Variants in JAKMIP3 observed in about 807,000 individuals in gnomAD.
JAKMIP3 encodes janus kinase and microtubule-interacting protein 3.
Under a neutral mutation model 118.5 loss-of-function variants are expected in JAKMIP3, and 58 were observed. The observed-to-expected ratio is 0.49, with a 90% CI of 0.40 to 0.61. JAKMIP3 has a LOEUF of 0.61. Ranked by LOEUF, JAKMIP3 falls within the 20% of genes least tolerant of loss-of-function variation. The pLI is 0.00. For synonymous variants in JAKMIP3, 486 were observed against 451.2 expected, an observed-to-expected ratio of 1.08 and a Z score of -0.98; for missense variants, 950 against 1,109.0, an observed-to-expected ratio of 0.86 and a Z score of 2.04.
intron 1 of JAKMIP3, among the ~76,000 whole-genome samples, chr10:132,095,982 G>C (rs1179116267): frequency 6.6e-6 from 1 of 152,154 alleles, no homozygotes; most frequent in Non-Finnish European, 1.5e-5. Context: ...CCATGCTGCT[G>C]TTAGGGAGAG....
At chr10:132,159,618 GGGTCCTCTTCCTTTGT>G (rs2057683704) in intron 19 of JAKMIP3, among the ~76,000 whole-genome samples, 1 of 118,270 alleles carries the variant, frequency 8.5e-6, no homozygotes. Flanking sequence ...GTGATGCTGG[GGGTCCTCTTCCTTTGT>G]GATGCTGGGG....
chr10:132,058,656 G>T (rs1176163659), intron 1 of JAKMIP3, among the ~76,000 whole-genome samples: 1 of 152,208 alleles, frequency 6.6e-6, no homozygotes, highest in Non-Finnish European at 1.5e-5. Flanking sequence ...ACACGTGTGT[G>T]AGGATCAAAA....
chr10:132,136,620 C>T (rs1057365637), intron 6 of JAKMIP3, among the ~76,000 whole-genome samples: 1 of 152,246 alleles, frequency 6.6e-6, no homozygotes, highest in Non-Finnish European at 1.5e-5. Context: ...AGGCGCTCTC[C>T]TTACCCCTCT....
intron 1 of JAKMIP3, among the ~76,000 whole-genome samples, chr10:132,038,160 A>G (rs2037577878): frequency 6.6e-6 from 1 of 152,360 alleles, no homozygotes; most frequent in African/African-American, 2.4e-5. Context: ...CTGCCCAGAC[A>G]TGATTCTGGC....
intron 1 of JAKMIP3, among the ~76,000 whole-genome samples, chr10:132,069,172 T>C (rs2039416991): frequency 6.6e-6 from 1 of 152,102 alleles, no homozygotes; most frequent in African/African-American, 2.4e-5. Context: ...ACCTGCCTGG[T>C]GGGTGGTTGA....
At chr10:132,103,748 T>C (rs2045473665) in intron 1 of JAKMIP3, among the ~76,000 whole-genome samples, 1 of 152,004 alleles carries the variant, frequency 6.6e-6, no homozygotes, top group African/African-American at 2.4e-5. Context: ...AGCTGGGCCA[T>C]ACAGCAGGAG....
At position 132,149,189 on chromosome 10, in the gene JAKMIP3, G is replaced by A. The variant is rs78652553; in HGVS notation, c.1849-223G>A. On this transcript the variant is annotated intron_variant, in intron 14 of 23. Transcript: ENST00000684848. The stretch of plus-strand genomic sequence containing the variant: ...GGCCAGAGTGTGATGAACTCTGCCC[G>A]GCACATCTGGGGTCAGCGAATATAC... Among the ~76,000 whole-genome samples, 778 of 152,202 alleles carry A rather than the reference G, an allele frequency of 5.1e-3. 2 individuals carry two copies. The highest frequency in any genetic ancestry group is 0.017 in the African/African-American group (724 of 41,522).
intron 2 of JAKMIP3, among the ~76,000 whole-genome samples, chr10:132,116,021 T>A (rs1348501965): frequency 6.6e-6 from 1 of 152,244 alleles, no homozygotes; most frequent in Non-Finnish European, 1.5e-5. Context: ...GTCCCGGCAC[T>A]GTGGTCTGAA....
rs565537819 is a variant in JAKMIP3, at chr10:132,055,488, T to G, written c.-138+18750T>G. On this transcript the variant is annotated intron_variant, in intron 1 of 23. Transcript: ENST00000657785. ...TTTTTCTTCAATGTTTGGAAAGAAA[T>G]TAAAACTGAGCAGGTCTTGCCAAGA... Among the ~76,000 whole-genome samples the G allele has an allele frequency of 2.0e-5, 3 of 152,134 alleles. No individual in the cohort carries two copies. In the South Asian group the frequency reaches 6.2e-4, roughly 32 times the overall value.
At chr10:132,097,898 TCCCC>T (rs1410687348) in intron 1 of JAKMIP3, among the ~76,000 whole-genome samples, 46 of 57,962 alleles carry the variant, frequency 7.9e-4, no homozygotes, top group South Asian at 3.2e-3. Context: ...CCCTTCCCCT[TCCCC>T]TTCCCCTTCC....
At chr10:132,093,671 C>G (rs1345788599) in intron 1 of JAKMIP3, among the ~76,000 whole-genome samples, 1 of 152,212 alleles carries the variant, frequency 6.6e-6, no homozygotes, top group African/African-American at 2.4e-5. Context: ...GAATTCCTGA[C>G]CCCTTGCACT....
Position 132,179,749 on chromosome 10 carries a change from C to T in JAKMIP3, c.*1104-2608C>T, listed in dbSNP as rs1391059454. Among the ~76,000 whole-genome samples the T allele has an allele frequency of 1.3e-5, 2 of 152,020 alleles. No homozygotes were observed. The highest frequency in any genetic ancestry group is 2.1e-4 in the South Asian group (1 of 4,820). ...GTCGCACCACAGCAGGGTCACGCCA[C>T]GGCAGGGTCACACCACAACAGCCAC... On this transcript the variant is annotated intron_variant, in intron 23 of 23. Transcript: ENST00000684848. The surrounding 1 kb of genome is among the most constrained non-coding windows in gnomAD (Gnocchi z 4.3).
rs191119974 is a variant in JAKMIP3, at chr10:132,049,457, T to C, written c.-138+12719T>C. On this transcript the variant is annotated intron_variant, in intron 1 of 23. Transcript: ENST00000657785. The surrounding 1 kb of genome is among the most constrained non-coding windows in gnomAD (Gnocchi z 4.3). ...AATTGTCGTTTGTGTTATTCTCCCTTGGGCATCTTACAATTTATTTCTCAT... is the reference window on the plus strand; with the variant it reads ...AATTGTCGTTTGTGTTATTCTCCCTCGGGCATCTTACAATTTATTTCTCAT... 9.8e-5 allele frequency among the ~76,000 whole-genome samples: 15 copies of C among 152,346 alleles called. No individual in the cohort carries two copies. The highest frequency in any genetic ancestry group is 3.3e-4 in the Admixed American group (5 of 15,310).
intron 23 of JAKMIP3, among the ~76,000 whole-genome samples, chr10:132,170,892 A>C (rs1369739413): frequency 1.3e-5 from 2 of 152,210 alleles, no homozygotes; most frequent in Non-Finnish European, 2.9e-5. Flanking sequence ...TGAGCCTCGA[A>C]TGCTAGATCA....
chr10:132,057,856 G>C (rs2133835933), intron 1 of JAKMIP3, among the ~76,000 whole-genome samples: 1 of 152,340 alleles, frequency 6.6e-6, no homozygotes, highest in East Asian at 1.9e-4. Context: ...CTCTGCAGTG[G>C]TTTTGGATCA....
intron 4 of JAKMIP3, among the ~76,000 whole-genome samples, 163 bp downstream of exon 4, chr10:132,133,690 C>G (rs2051117205): frequency 6.6e-6 from 1 of 152,208 alleles, no homozygotes; most frequent in Non-Finnish European, 1.5e-5. Context: ...CCTAGGTGCT[C>G]AGCTCCTCTG....
intron 23 of JAKMIP3, among the ~76,000 whole-genome samples, chr10:132,180,261 C>G (rs1565017236): frequency 6.6e-6 from 1 of 152,124 alleles, no homozygotes; most frequent in African/African-American, 2.4e-5. Context: ...AGTGAGGACC[C>G]TGGGGTGCCA....
intron 3 of JAKMIP3, among the ~76,000 whole-genome samples, chr10:132,122,018 T>C (rs1016778235): frequency 3.3e-5 from 5 of 152,230 alleles, no homozygotes; most frequent in African/African-American, 1.2e-4. Flanking sequence ...AAGCCTCCTG[T>C]CTTTACTTTG....
intron 21 of JAKMIP3, among the ~76,000 whole-genome samples, chr10:132,166,104 G>T (rs764445233): frequency 6.6e-6 from 1 of 152,172 alleles, no homozygotes; most frequent in Non-Finnish European, 1.5e-5. Flanking sequence ...TGGGAGGATC[G>T]CTTGAGCCCA....
Sources: gnomAD v4.1 joint callset for allele counts (sites outside exome capture counted in the v4.1 genomes callset) on GRCh38, gnomAD v4.1.1 for gene constraint, Gnocchi (gnomAD v3.1) non-coding constraint, MANE v1.5 for transcripts, NCBI Gene and HGNC (gene_info 2026-07-23, HGNC 2026-07-21) for gene names.